The following NIPBL variants were observed in gnomAD, a reference collection of about 807,000 sequenced individuals.
NIPBL encodes nipped-B-like protein.
NIPBL carries 19 observed loss-of-function variants against 321.8 expected under a neutral mutation model. The ratio of observed to expected loss-of-function variants is 0.06; its 90% CI spans 0.04 to 0.09. NIPBL has a LOEUF of 0.09. Ranked by LOEUF, NIPBL falls within the 10% of genes least tolerant of loss-of-function variation. The probability of loss-of-function intolerance (pLI) is 1.00; values close to 1 mark genes in which losing one functional copy is unlikely to be tolerated. For missense variants in NIPBL, 2,210 were observed against 3,327.0 expected (o/e 0.66, Z 8.26); for synonymous variants, 1,106 against 1,114.1 (o/e 0.99, Z 0.14).
intron 32 of NIPBL, 152 bp downstream of exon 32, chr5:37,027,564 T>A: frequency 1.6e-6 from 1 of 618,726 alleles, no homozygotes; most frequent in Non-Finnish European, 2.9e-6. Flanking sequence ...GCTGGATGAT[T>A]TTGTTAATTT....
At chr5:37,035,608 G>A in intron 32 of NIPBL, among the ~76,000 whole-genome samples, 1 of 152,064 alleles carries the variant, frequency 6.6e-6, no homozygotes, top group East Asian at 1.9e-4. Context: ...TACATTGCAA[G>A]TGCTTAATAA....
At chr5:36,972,496 T>C (rs576404902) in intron 8 of NIPBL, among the ~76,000 whole-genome samples, 1 of 152,286 alleles carries the variant, frequency 6.6e-6, no homozygotes, top group South Asian at 2.1e-4. Context: ...TTAGACCTTT[T>C]ATCACTCATT....
rs575258554 is a variant in NIPBL at position 36,885,850 on chromosome 5, C to T, written c.-80+8672C>T. 3.2e-4 allele frequency: 227 copies of T among 705,762 alleles called. 5 individuals are homozygous for T. Among genetic ancestry groups the T allele is most frequent in the South Asian group, 3.1e-3 (224 of 72,024 alleles). 43.7% of individuals were successfully genotyped at this position (705,762 alleles called of 1,614,324 possible). On this transcript the variant is annotated intron_variant, in intron 1 of 46. Coordinates refer to ENST00000282516, the MANE Select transcript of NIPBL (RefSeq NM_133433.4). The stretch of plus-strand genomic sequence containing the variant: ...AGGAGCTGCTCTTAATGAAGGAGAA[C>T]CACGAAGAGGAAGTAAAAGGCCTAC...
intron 10 of NIPBL, 31 bp from the exon 11 acceptor site, chr5:36,995,590 AT>A (rs148066104): frequency 2.3e-3 from 3,197 of 1,406,542 alleles, no homozygotes; most frequent in Non-Finnish European, 2.6e-3. Context: ...TCAGATTTAC[AT>A]TTTTTTTTTA....
chr5:36,917,238 A>G (rs891594257), intron 1 of NIPBL, among the ~76,000 whole-genome samples: 1 of 152,148 alleles, frequency 6.6e-6, no homozygotes, highest in African/African-American at 2.4e-5. Context: ...TTCTCTGATG[A>G]CCAGTGATGA....
intron 25 of NIPBL, among the ~76,000 whole-genome samples, 164 bp downstream of exon 25, chr5:37,019,564 G>A (rs1481508506): frequency 6.6e-6 from 1 of 152,168 alleles, no homozygotes; most frequent in East Asian, 1.9e-4. Flanking sequence ...AATGCTTTGG[G>A]TTGATTTGTC....
intron 21 of NIPBL, among the ~76,000 whole-genome samples, chr5:37,012,316 A>AT (rs752962035): frequency 0.058 from 7,851 of 134,638 alleles, 746 homozygotes; most frequent in African/African-American, 0.2. Context: ...TGCCGGGCTA[A>AT]TTTTTTTTTT....
intron 1 of NIPBL, among the ~76,000 whole-genome samples, chr5:36,947,023 TGA>T (rs1739765397): frequency 6.6e-6 from 1 of 152,122 alleles, no homozygotes; most frequent in Non-Finnish European, 1.5e-5. Flanking sequence ...ATTTACGCCC[TGA>T]AACTTAATTT....
At chr5:37,030,800 G>C (rs1401979923) in intron 32 of NIPBL, among the ~76,000 whole-genome samples, 1 of 151,624 alleles carries the variant, frequency 6.6e-6, no homozygotes, top group Non-Finnish European at 1.5e-5. Flanking sequence ...TGTCATGCAG[G>C]CTGGAGTGCA....
chr5:37,007,290 T>C, intron 17 of NIPBL, 33 bp from the exon 18 acceptor site: 1 of 1,587,816 alleles, frequency 6.3e-7, no homozygotes, highest in Non-Finnish European at 8.6e-7. Flanking sequence ...TAAAAGTTGA[T>C]GTTTTCCTTA....
At chr5:37,062,073 C>T (rs1754759409) in intron 45 of NIPBL, among the ~76,000 whole-genome samples, 3 of 152,216 alleles carry the variant, frequency 2.0e-5, no homozygotes. Flanking sequence ...AACTCCTGAC[C>T]TCAGGTGATC....
At chr5:36,917,384 A>G (rs1748549250) in intron 1 of NIPBL, among the ~76,000 whole-genome samples, 1 of 152,060 alleles carries the variant, frequency 6.6e-6, no homozygotes, top group Admixed American at 6.5e-5. Context: ...GATTCTGGAT[A>G]TTAGCCCTTT....
At chr5:37,023,719 A>G (rs1238236641) in intron 29 of NIPBL, among the ~76,000 whole-genome samples, 3 of 138,014 alleles carry the variant, frequency 2.2e-5, no homozygotes, top group Non-Finnish European at 3.1e-5. Flanking sequence ...TTTGGGGGTC[A>G]TGTCTTAAAA....
chr5:37,040,107 C>T (rs926009295), intron 34 of NIPBL, among the ~76,000 whole-genome samples: 1 of 151,916 alleles, frequency 6.6e-6, no homozygotes, highest in African/African-American at 2.4e-5. Flanking sequence ...AGAATTCAGC[C>T]CCATGTCTGC....
intron 9 of NIPBL, among the ~76,000 whole-genome samples, chr5:36,977,443 G>T (rs895338602): frequency 6.6e-6 from 1 of 151,706 alleles, no homozygotes; most frequent in Non-Finnish European, 1.5e-5. Context: ...TGTCTGTCAT[G>T]ATGGCTCATT....
At chr5:37,024,063 G>A (rs1164692296) in intron 29 of NIPBL, among the ~76,000 whole-genome samples, 3 of 151,932 alleles carry the variant, frequency 2.0e-5, no homozygotes, top group African/African-American at 7.3e-5. Flanking sequence ...TACTCGGGAG[G>A]CTGAGACAGG....
chr5:37,041,722 AC>A (rs1752401735), intron 34 of NIPBL, among the ~76,000 whole-genome samples: 1 of 150,902 alleles, frequency 6.6e-6, no homozygotes, highest in South Asian at 2.1e-4. Context: ...GCACCACCAC[AC>A]CCGGCTAATT....
chr5:36,893,325 T>C (rs76886472), intron 1 of NIPBL, among the ~76,000 whole-genome samples: 3,865 of 152,286 alleles, frequency 0.025, 152 homozygotes, highest in African/African-American at 0.089. Flanking sequence ...TTGTTACATG[T>C]AGGAACAGTT....
At position 37,060,334 on chromosome 5, in the gene NIPBL, A is replaced by G. The variant is rs1214886426; in HGVS notation, c.7686-510A>G. 3.3e-5 allele frequency among the ~76,000 whole-genome samples: 5 copies of G among 151,724 alleles called. No individual in the cohort carries two copies. The East Asian group carries it at 9.7e-4, about 29-fold the overall frequency. ...CCACCACACCCAGCTAATTTTTTTT[A>G]TTTTTTACTTGTAGAGATGATGTCT... On this transcript the variant is annotated intron_variant, in intron 44 of 46. Transcript: ENST00000282516.
Sources: gnomAD v4.1 joint callset for allele counts (sites outside exome capture counted in the v4.1 genomes callset) on GRCh38, gnomAD v4.1.1 for gene constraint, MANE v1.5 for transcripts, NCBI Gene and HGNC (gene_info 2026-07-23, HGNC 2026-07-21) for gene names.